Variants in TPD52 observed in about 807,000 individuals in gnomAD.
TPD52 encodes the protein tumor protein D52.
TPD52 carries 17 observed loss-of-function variants against 31.3 expected under a neutral mutation model. That is an observed-to-expected ratio of 0.54 (90% CI 0.37 to 0.82). The LOEUF (loss-of-function observed/expected upper bound fraction) is 0.82, where lower values mean the gene tolerates loss of function less well. Among genes scored for constraint, TPD52 ranks in the 40% least tolerant of loss-of-function variants. The pLI is 0.00. For missense variants in TPD52, 212 were observed against 240.1 expected (o/e 0.88, Z 0.77); for synonymous variants, 83 against 89.6 (o/e 0.93, Z 0.42).
chr8:80,074,524 G>A (rs7827509), intron 1 of TPD52, among the ~76,000 whole-genome samples: 1,767 of 152,294 alleles, frequency 0.012, 41 homozygotes, highest in African/African-American at 0.041. Flanking sequence ...CGGGCGTCAT[G>A]CGGTGGATGA....
chr8:80,060,362 A>G lies in TPD52; in HGVS notation c.135+4116T>C, dbSNP rs138232138. Reference sequence around the variant, plus strand: ...AGAAGAAATCTGAACAAGTAAAGAGATTGAACAAGTATCAAAAATCTCCCA... The same window carrying G: ...AGAAGAAATCTGAACAAGTAAAGAGGTTGAACAAGTATCAAAAATCTCCCA... On this transcript the variant is annotated intron_variant, in intron 2 of 7. Transcript: ENST00000518937. Among the ~76,000 whole-genome samples, 866 of 152,008 alleles carry G rather than the reference A, an allele frequency of 5.7e-3. 11 individuals are homozygous for G. Among genetic ancestry groups the G allele is most frequent in the Non-Finnish European group, 6.0e-3 (411 of 68,000 alleles).
chr8:80,167,728 T>C (rs1811808832), intron 1 of TPD52, among the ~76,000 whole-genome samples: 1 of 152,252 alleles, frequency 6.6e-6, no homozygotes, highest in African/African-American at 2.4e-5. Flanking sequence ...GATAGTGACA[T>C]ATTATTGTGT....
rs12679998 is a variant in TPD52, at chr8:80,088,917, G to A, written c.20-24324C>T. 1.8e-4 allele frequency among the ~76,000 whole-genome samples: 28 copies of A among 152,198 alleles called. 1 individual carries two copies. In the East Asian group the frequency reaches 5.2e-3, roughly 28 times the overall value. Reference sequence around the variant, plus strand: ...TCACTGCATTAGCCAGGATGGTCTCGATCTCCTGACCTCGTGATCCGCCCG... The same window carrying A: ...TCACTGCATTAGCCAGGATGGTCTCAATCTCCTGACCTCGTGATCCGCCCG... On this transcript the variant is annotated intron_variant, in intron 1 of 7. Transcript: ENST00000518937.
chr8:80,117,512 C>T (rs925258169), intron 1 of TPD52, among the ~76,000 whole-genome samples: 3 of 152,068 alleles, frequency 2.0e-5, no homozygotes, highest in Admixed American at 1.3e-4. Flanking sequence ...GGGAAGACAT[C>T]CATATTCATG....
chr8:80,164,898 CAAAAAAAAAAAAAAAAAAAA>C (rs34027501), intron 1 of TPD52, among the ~76,000 whole-genome samples: 1 of 31,908 alleles, frequency 3.1e-5, no homozygotes, highest in Non-Finnish European at 5.7e-5. Flanking sequence ...GACAATGTCT[CAAAAAAAAAAAAAAAAAAAA>C]AAAAAAAAAG....
At chr8:80,032,639 T>C (rs1270144666), downstream of TPD52, 2 of 152,240 alleles carry the variant, frequency 1.3e-5, no homozygotes, top group African/African-American at 2.4e-5. Context: ...TATAAAATGG[T>C]GACACTGCCA....
rs576566925 is a variant in TPD52, at chr8:80,099,272, A to G, written c.20-34679T>C. ...AAAGGCTAAGCTCATAATAAAGGAA[A>G]TAACGGCCCTATTATAATATCAAAT... On this transcript the variant is annotated intron_variant, in intron 1 of 7. Coordinates refer to ENST00000518937, the MANE Select transcript of TPD52 (RefSeq NM_001025253.3). 3.9e-5 allele frequency among the ~76,000 whole-genome samples: 6 copies of G among 152,344 alleles called. No individual in the cohort carries two copies. In the South Asian group the frequency reaches 1.2e-3, roughly 32 times the overall value.
chr8:80,073,608 C>A (rs528211156), intron 1 of TPD52, among the ~76,000 whole-genome samples: 11 of 152,306 alleles, frequency 7.2e-5, no homozygotes, highest in African/African-American at 2.6e-4. Context: ...GTCTGGCACA[C>A]AGCAGATGCG....
intron 1 of TPD52, among the ~76,000 whole-genome samples, chr8:80,136,747 G>A (rs12676043): frequency 0.43 from 64,492 of 151,740 alleles, 14,341 homozygotes; most frequent in East Asian, 0.77. Context: ...TAGAGACAAA[G>A]GCAAAAAACT....
chr8:80,148,351 G>C (rs1370986810), intron 1 of TPD52, among the ~76,000 whole-genome samples: 1 of 83,878 alleles, frequency 1.2e-5, no homozygotes, highest in African/African-American at 6.5e-5. Context: ...TGTGTACAGA[G>C]AGAATCTTCC....
At chr8:80,093,293 G>A (rs932810700) in intron 1 of TPD52, among the ~76,000 whole-genome samples, 6 of 152,142 alleles carry the variant, frequency 3.9e-5, no homozygotes, top group Non-Finnish European at 7.4e-5. Flanking sequence ...GGTCTCTATG[G>A]TGAGATTACT....
intron 1 of TPD52, among the ~76,000 whole-genome samples, chr8:80,090,430 G>A (rs1816170736): frequency 6.6e-6 from 1 of 152,006 alleles, no homozygotes; most frequent in Non-Finnish European, 1.5e-5. Flanking sequence ...CAATGCAGAA[G>A]AGGAAGCACA....
At chr8:80,076,564 A>G (rs1021654807) in intron 1 of TPD52, among the ~76,000 whole-genome samples, 2 of 152,182 alleles carry the variant, frequency 1.3e-5, no homozygotes, top group Non-Finnish European at 2.9e-5. Flanking sequence ...ACTACTGTGT[A>G]TCAGGTTTAG....
chr8:80,064,098 C>T (rs1301089352), intron 2 of TPD52, among the ~76,000 whole-genome samples: 2 of 151,504 alleles, frequency 1.3e-5, no homozygotes, highest in South Asian at 2.1e-4. Flanking sequence ...GAAGGAAAGG[C>T]GGAAGGAAGT....
intron 1 of TPD52, among the ~76,000 whole-genome samples, chr8:80,112,827 T>C (rs1174268396): frequency 1.3e-5 from 2 of 152,182 alleles, no homozygotes. Flanking sequence ...ATATCCCTTA[T>C]CTGAAATGCT....
At chr8:80,158,668 G>C (rs1482524088) in intron 1 of TPD52, 1 of 151,502 alleles carries the variant, frequency 6.6e-6, no homozygotes, top group Admixed American at 6.6e-5. Context: ...TAGGCCGGGC[G>C]CGGTGGCTCA....
intron 1 of TPD52, among the ~76,000 whole-genome samples, chr8:80,106,457 C>T (rs554231615): frequency 3.9e-5 from 6 of 151,934 alleles, no homozygotes; most frequent in African/African-American, 7.3e-5. Context: ...CCCGGGTTCA[C>T]GCCATTCTCC....
At chr8:80,171,334 C>T (rs1812077769) in intron 1 of TPD52, 91 bp downstream of exon 1, 1 of 1,542,474 alleles carries the variant, frequency 6.5e-7, no homozygotes. Context: ...GCTCGAGCCG[C>T]CGGGCCGCGC....
intron 1 of TPD52, among the ~76,000 whole-genome samples, chr8:80,142,796 G>C (rs1488282978): frequency 6.6e-6 from 1 of 152,180 alleles, no homozygotes; most frequent in Non-Finnish European, 1.5e-5. Flanking sequence ...AAAGAGAATA[G>C]GGAAGGAGGA....
Sources: allele counts gnomAD v4.1 joint callset (sites outside exome capture counted in the v4.1 genomes callset), GRCh38; gene constraint gnomAD v4.1.1; transcripts MANE v1.5; gene names NCBI Gene and HGNC (gene_info 2026-07-23, HGNC 2026-07-21).